DAB1: variants seen among roughly 807,000 people sequenced by gnomAD.
DAB1 encodes disabled homolog 1.
DAB1 carries 15 observed loss-of-function variants against 64.6 expected under a neutral mutation model. The observed-to-expected ratio is 0.23, with a 90% CI of 0.16 to 0.36. The LOEUF is 0.36. DAB1 is among the 10% of genes least tolerant of loss of function. DAB1 has a pLI of 1.00. For synonymous variants in DAB1, 235 were observed against 251.9 expected, an observed-to-expected ratio of 0.93 and a Z score of 0.64; for missense variants, 596 against 706.7, an observed-to-expected ratio of 0.84 and a Z score of 1.78.
At chr1:57,082,319 A>G (rs1334408604) in intron 4 of DAB1, among the ~76,000 whole-genome samples, 2 of 152,172 alleles carry the variant, frequency 1.3e-5, no homozygotes, top group Non-Finnish European at 2.9e-5. Flanking sequence ...CTTAACTGAA[A>G]GTCAGCTGCA....
intron 7 of DAB1, among the ~76,000 whole-genome samples, chr1:57,499,837 A>G (rs544521051): frequency 2.6e-5 from 4 of 152,236 alleles, no homozygotes; most frequent in African/African-American, 9.6e-5. Flanking sequence ...ACCTGGGTCA[A>G]TTTTGTTCAC....
chr1:58,362,406 C>T (rs1644176284), intron 3 of DAB1, among the ~76,000 whole-genome samples: 1 of 152,210 alleles, frequency 6.6e-6, no homozygotes, highest in Admixed American at 6.5e-5. Context: ...TACTGACCTA[C>T]ATTGAGAGCA....
intron 3 of DAB1, among the ~76,000 whole-genome samples, chr1:58,419,340 C>T (rs1418171641): frequency 6.6e-6 from 1 of 152,194 alleles, no homozygotes; most frequent in African/African-American, 2.4e-5. Flanking sequence ...GTGTTTATCT[C>T]ACAATATTTG....
At chr1:58,127,491 T>C (rs894025637) in intron 5 of DAB1, among the ~76,000 whole-genome samples, 3 of 151,486 alleles carry the variant, frequency 2.0e-5, no homozygotes, top group African/African-American at 7.3e-5. Flanking sequence ...ATTTTGGCTT[T>C]TGTTGCCATT....
intron 1 of DAB1, chr1:58,534,248 A>C: frequency 1.1e-6 from 1 of 871,886 alleles, no homozygotes; most frequent in South Asian, 1.3e-5. Flanking sequence ...TATTGCATTC[A>C]ATTAGATGAC....
intron 6 of DAB1, among the ~76,000 whole-genome samples, chr1:57,791,460 G>A (rs1441412182): frequency 6.6e-6 from 1 of 152,140 alleles, no homozygotes; most frequent in East Asian, 1.9e-4. Context: ...TTTCACATAT[G>A]GAGTGAAGTG....
At chr1:58,206,464 T>C (rs1200466396) in intron 4 of DAB1, among the ~76,000 whole-genome samples, 1 of 152,222 alleles carries the variant, frequency 6.6e-6, no homozygotes, top group African/African-American at 2.4e-5. Flanking sequence ...GTTCCCAGCC[T>C]GACTATTCCC....
At chr1:58,333,203 A>C (rs1173022595) in intron 4 of DAB1, among the ~76,000 whole-genome samples, 2 of 152,140 alleles carry the variant, frequency 1.3e-5, no homozygotes, top group Admixed American at 1.3e-4. Context: ...AGTTCTAAAA[A>C]CGTAAGGCAG....
chr1:57,002,283 T>G (rs1487307395), intron 14 of DAB1, among the ~76,000 whole-genome samples: 1 of 152,208 alleles, frequency 6.6e-6, no homozygotes, highest in Non-Finnish European at 1.5e-5. Context: ...AGTGTTCTCC[T>G]GCCAATGATC....
chr1:57,055,443 A>G (rs1193538519), intron 9 of DAB1, among the ~76,000 whole-genome samples: 1 of 152,232 alleles, frequency 6.6e-6, no homozygotes, highest in Non-Finnish European at 1.5e-5. Flanking sequence ...TCCTGAATCA[A>G]TAGGTCAAGA....
chr1:58,025,701 A>G (rs1421733087), intron 5 of DAB1, among the ~76,000 whole-genome samples: 1 of 132,920 alleles, frequency 7.5e-6, no homozygotes, highest in Non-Finnish European at 1.6e-5. Flanking sequence ...TTTAATCATA[A>G]ATTTAGAGTA....
intron 9 of DAB1, among the ~76,000 whole-genome samples, chr1:57,053,853 A>G (rs978931674): frequency 6.6e-6 from 1 of 151,286 alleles, no homozygotes; most frequent in African/African-American, 2.4e-5. Flanking sequence ...ACACCTGGCT[A>G]ATTTTTGTAT....
chr1:58,275,308 A>G (rs192767440), intron 4 of DAB1, among the ~76,000 whole-genome samples: 102 of 152,314 alleles, frequency 6.7e-4, no homozygotes, highest in Middle Eastern at 3.4e-3. Context: ...AGAAGAAACA[A>G]TAAAGGTAAA....
At chr1:57,764,846 G>A (rs1455616320) in intron 6 of DAB1, among the ~76,000 whole-genome samples, 1 of 148,628 alleles carries the variant, frequency 6.7e-6, no homozygotes, top group African/African-American at 2.4e-5. Flanking sequence ...GGCATCTGTA[G>A]TTAACATAAA....
intron 1 of DAB1, among the ~76,000 whole-genome samples, chr1:57,866,644 G>A (rs1654314291): frequency 6.6e-6 from 1 of 152,158 alleles, no homozygotes; most frequent in Admixed American, 6.5e-5. Context: ...ACTGTAAATG[G>A]GGATGATTCG....
intron 1 of DAB1, among the ~76,000 whole-genome samples, chr1:57,857,298 T>C (rs987572665): frequency 6.6e-6 from 1 of 152,148 alleles, no homozygotes; most frequent in Non-Finnish European, 1.5e-5. Flanking sequence ...CAAAAGAAGA[T>C]TAACCATCAA....
intron 7 of DAB1, among the ~76,000 whole-genome samples, chr1:57,524,156 G>C (rs912500245): frequency 1.3e-5 from 2 of 151,958 alleles, no homozygotes; most frequent in Non-Finnish European, 2.9e-5. Flanking sequence ...TGGAGCTTTC[G>C]GTGGGGGAAG....
At chr1:58,075,649 G>A (rs1160130044) in intron 5 of DAB1, among the ~76,000 whole-genome samples, 1 of 152,180 alleles carries the variant, frequency 6.6e-6, no homozygotes, top group Non-Finnish European at 1.5e-5. Context: ...AAAAGGATTT[G>A]TCAAAAATGA....
chr1:58,319,162 C>A (rs1662625972), intron 4 of DAB1, among the ~76,000 whole-genome samples: 1 of 152,074 alleles, frequency 6.6e-6, no homozygotes, highest in African/African-American at 2.4e-5. Context: ...AAAGAAATGG[C>A]ACACTTTGCT....
Sources: gnomAD v4.1 joint callset for allele counts (sites outside exome capture counted in the v4.1 genomes callset) on GRCh38, gnomAD v4.1.1 for gene constraint, MANE v1.5 for transcripts, NCBI Gene and HGNC (gene_info 2026-07-23, HGNC 2026-07-21) for gene names.